Variants in BMPER observed in about 807,000 individuals in gnomAD.
BMPER encodes the protein BMP binding endothelial regulator.
Under a neutral mutation model 87.3 loss-of-function variants are expected in BMPER, and 45 were observed. That is an observed-to-expected ratio of 0.52 (90% CI 0.41 to 0.66). The LOEUF (loss-of-function observed/expected upper bound fraction) is 0.66, where lower values mean the gene tolerates loss of function less well. Ranked by LOEUF, BMPER falls within the 30% of genes least tolerant of loss-of-function variation. BMPER has a pLI of 0.00. For synonymous variants in BMPER, 326 were observed against 316.2 expected, an observed-to-expected ratio of 1.03 and a Z score of -0.33; for missense variants, 784 against 867.5, an observed-to-expected ratio of 0.90 and a Z score of 1.21.
intron 6 of BMPER, among the ~76,000 whole-genome samples, chr7:33,985,629 A>G (rs937053080): frequency 6.6e-6 from 1 of 152,130 alleles, no homozygotes; most frequent in African/African-American, 2.4e-5. Flanking sequence ...TGTATACTAC[A>G]TATTTCCTGC....
At chr7:34,076,796 G>A (rs1001284009) in intron 11 of BMPER, among the ~76,000 whole-genome samples, 1 of 152,138 alleles carries the variant, frequency 6.6e-6, no homozygotes, top group Admixed American at 6.5e-5. Flanking sequence ...GAGAGTGTGG[G>A]CAGCAGGTTG....
chr7:34,045,844 A>G (rs1787949227), intron 6 of BMPER, among the ~76,000 whole-genome samples: 1 of 152,152 alleles, frequency 6.6e-6, no homozygotes. Flanking sequence ...ACTGGAAGAT[A>G]GGAGGAAAAG....
chr7:33,917,930 G>A (rs1784126574), intron 2 of BMPER, among the ~76,000 whole-genome samples: 2 of 152,166 alleles, frequency 1.3e-5, no homozygotes, highest in Admixed American at 1.3e-4. Context: ...TTGGCCCATG[G>A]AAAGGAGGTA....
chr7:34,078,356 C>T (rs1439105239), intron 11 of BMPER, among the ~76,000 whole-genome samples: 1 of 152,134 alleles, frequency 6.6e-6, no homozygotes, highest in Non-Finnish European at 1.5e-5. Flanking sequence ...TAGGTAAATA[C>T]ACGGGTGTTG....
intron 13 of BMPER, among the ~76,000 whole-genome samples, chr7:34,089,523 A>T (rs999476105): frequency 2.0e-5 from 3 of 152,198 alleles, no homozygotes. Flanking sequence ...TTGCTCTGTC[A>T]CCCAGGCTGG....
chr7:34,001,746 A>G (rs2127935457), intron 6 of BMPER, among the ~76,000 whole-genome samples: 1 of 151,616 alleles, frequency 6.6e-6, no homozygotes, highest in East Asian at 1.9e-4. Flanking sequence ...TTCTTTTCCT[A>G]ATTTGTTAAG....
intron 6 of BMPER, among the ~76,000 whole-genome samples, chr7:34,002,288 T>A (rs1786602239): frequency 6.6e-6 from 1 of 151,852 alleles, no homozygotes; most frequent in Admixed American, 6.6e-5. Flanking sequence ...TGTTTTTTAC[T>A]TTCAGTACAG....
chr7:34,109,680 A>G (rs1789912018), intron 13 of BMPER, among the ~76,000 whole-genome samples: 1 of 152,218 alleles, frequency 6.6e-6, no homozygotes, highest in African/African-American at 2.4e-5. Flanking sequence ...TCTGAGGGAG[A>G]ACAAAGATGA....
intron 13 of BMPER, among the ~76,000 whole-genome samples, chr7:34,102,452 C>G (rs1228762470): frequency 6.6e-6 from 1 of 152,140 alleles, no homozygotes; most frequent in African/African-American, 2.4e-5. Context: ...GGCCCCACAC[C>G]CAGAGTTTCT....
At chr7:34,125,341 C>T (rs1023196974) in intron 13 of BMPER, among the ~76,000 whole-genome samples, 1 of 152,172 alleles carries the variant, frequency 6.6e-6, no homozygotes, top group Non-Finnish European at 1.5e-5. Context: ...TTTGTCCCCT[C>T]CTCAATGAAG....
At chr7:33,984,724 G>A in intron 6 of BMPER, among the ~76,000 whole-genome samples, 1 of 152,180 alleles carries the variant, frequency 6.6e-6, no homozygotes. Context: ...ATTTGGAATA[G>A]GGATTAGAGT....
chr7:33,974,662 T>C, intron 5 of BMPER, 40 bp from the exon 6 acceptor site: 1 of 1,583,540 alleles, frequency 6.3e-7, no homozygotes, highest in Non-Finnish European at 8.7e-7. Flanking sequence ...TGAACGATGA[T>C]GGCTGTTGCC....
chr7:34,043,648 T>C (rs925034470), intron 6 of BMPER, among the ~76,000 whole-genome samples: 6 of 152,146 alleles, frequency 3.9e-5, no homozygotes, highest in African/African-American at 1.4e-4. Context: ...ATGGGTCATA[T>C]ACACTCCTTA....
intron 13 of BMPER, among the ~76,000 whole-genome samples, chr7:34,134,271 T>G (rs1175495225): frequency 1.3e-5 from 2 of 152,232 alleles, no homozygotes; most frequent in Non-Finnish European, 2.9e-5. Flanking sequence ...GCACCATTTT[T>G]ATGTTCTTTT....
intron 2 of BMPER, among the ~76,000 whole-genome samples, chr7:33,921,422 A>G (rs1417466720): frequency 6.6e-6 from 1 of 152,218 alleles, no homozygotes; most frequent in Non-Finnish European, 1.5e-5. Context: ...AATCAGCGAG[A>G]GTTGGGACTG....
At chr7:33,905,837 T>TG in intron 1 of BMPER, 91 bp downstream of exon 1, 2 of 409,726 alleles carry the variant, frequency 4.9e-6, no homozygotes, top group Admixed American at 2.5e-5. Flanking sequence ...GATGGGAGGG[T>TG]GGGGAGCGCG....
chr7:34,146,065 A>G (rs921438711), intron 14 of BMPER, among the ~76,000 whole-genome samples: 4 of 152,138 alleles, frequency 2.6e-5, no homozygotes, highest in Non-Finnish European at 4.4e-5. Context: ...ACACACACGC[A>G]CACACACACA....
chr7:33,960,829 G>A (rs1326507137), intron 3 of BMPER, among the ~76,000 whole-genome samples: 1 of 152,118 alleles, frequency 6.6e-6, no homozygotes, highest in Non-Finnish European at 1.5e-5. Context: ...GCTGTATGTT[G>A]GTGCCTAGTA....
At chr7:34,026,080 T>A (rs781363138) in intron 6 of BMPER, among the ~76,000 whole-genome samples, 2 of 152,030 alleles carry the variant, frequency 1.3e-5, no homozygotes, top group Non-Finnish European at 2.9e-5. Context: ...TAGTCCTTTG[T>A]GGCCTGGCAT....
Sources: allele counts gnomAD v4.1 joint callset (sites outside exome capture counted in the v4.1 genomes callset), GRCh38; gene constraint gnomAD v4.1.1; transcripts MANE v1.5; gene names NCBI Gene and HGNC (gene_info 2026-07-23, HGNC 2026-07-21).